ADCYAP1R1: variants seen among roughly 807,000 people sequenced by gnomAD.
ADCYAP1R1 encodes the protein pituitary adenylate cyclase-activating polypeptide type I receptor.
In ADCYAP1R1, 44 loss-of-function variants were observed where a neutral mutation model predicts 67.6. The observed-to-expected ratio is 0.65, with a 90% CI of 0.51 to 0.84. The LOEUF is 0.84. Among genes scored for constraint, ADCYAP1R1 ranks in the 40% least tolerant of loss-of-function variants. The pLI is 0.00. For synonymous variants in ADCYAP1R1, 222 were observed against 219.6 expected, an observed-to-expected ratio of 1.01 and a Z score of -0.10; for missense variants, 477 against 587.9, an observed-to-expected ratio of 0.81 and a Z score of 1.95.
At chr7:31,060,701 T>TGA (rs757068891) in intron 1 of ADCYAP1R1, among the ~76,000 whole-genome samples, 2 of 151,794 alleles carry the variant, frequency 1.3e-5, no homozygotes, top group South Asian at 2.1e-4. Context: ...TTTGTGTGTG[T>TGA]GAGAGAGAGA....
chr7:31,099,922 C>G (rs1230143517), intron 13 of ADCYAP1R1, among the ~76,000 whole-genome samples: 1 of 152,194 alleles, frequency 6.6e-6, no homozygotes, highest in Non-Finnish European at 1.5e-5. Context: ...GCGTGTGCAG[C>G]CATGCACACT....
intron 1 of ADCYAP1R1, among the ~76,000 whole-genome samples, chr7:31,054,516 G>A (rs748187401): frequency 2.0e-5 from 3 of 152,200 alleles, no homozygotes; most frequent in Non-Finnish European, 2.9e-5. Flanking sequence ...CCCTCAATTT[G>A]TGTCGAATAA....
Position 31,052,591 on chromosome 7 carries a change from C to G in ADCYAP1R1, c.-159C>G, listed in dbSNP as rs1267088049. 6.7e-6 allele frequency: 1 copy of G among 150,070 alleles called. No individual in the cohort carries two copies. Among genetic ancestry groups the G allele is most frequent in the Non-Finnish European group, 1.5e-5 (1 of 67,310 alleles). 9.3% of individuals were successfully genotyped at this position (150,070 alleles called of 1,614,324 possible). The stretch of plus-strand genomic sequence containing the variant: ...GCTCCTCGGCGCACACGCTCCCCAT[C>G]CCCGCGCCGCGCGGGCCGCGGACTT... On this transcript the variant is annotated 5_prime_UTR_variant, in exon 1 of 16. In the 5' UTR this introduces an upstream ATG that the reference lacks. Coordinates refer to ENST00000304166, the MANE Select transcript of ADCYAP1R1 (RefSeq NM_001118.5).
At chr7:31,095,907 G>C (rs1489922212) in intron 13 of ADCYAP1R1, among the ~76,000 whole-genome samples, 1 of 152,184 alleles carries the variant, frequency 6.6e-6, no homozygotes, top group African/African-American at 2.4e-5. Context: ...GATGCTCCTG[G>C]TAGGATGAGT....
chr7:31,084,826 T>C lies in ADCYAP1R1; in HGVS notation c.528T>C (p.Cys176=). The change falls in exon 8 of 16, where the codon TGT becomes TGC. Residue 176 remains cysteine (C), a synonymous_variant. Coordinates refer to ENST00000304166, the MANE Select transcript of ADCYAP1R1 (RefSeq NM_001118.5). ...TCACCACTGCCATGGTCATCCTTTG[T>C]CGCTTCCGGTGAGACCCTCAGCAAC... is the stretch of plus-strand genomic sequence containing the variant. The part of the protein sequence containing the change: ...VTLTTAMVIL[C]RFRKLHCTRN... 1 of 1,614,128 alleles carries C rather than the reference T, an allele frequency of 6.2e-7. No homozygotes were observed. Among genetic ancestry groups the C allele is most frequent in the South Asian group, 1.1e-5 (1 of 91,084 alleles).
chr7:31,087,412 G>A (rs1226603978), intron 11 of ADCYAP1R1, among the ~76,000 whole-genome samples: 2 of 152,238 alleles, frequency 1.3e-5, no homozygotes, highest in Admixed American at 1.3e-4. Flanking sequence ...TAGGTGAGCA[G>A]AGGGAAAGAT....
In ADCYAP1R1 at chr7:31,092,627, T is replaced by G. The variant is rs753516558; in HGVS notation, c.955-17T>G. ...CCAGAATCATGTCCATCTGCTTTTT[T>G]TTTTTTTGCTCCTTAGGTTAACTTT... On this transcript the variant is annotated splice_polypyrimidine_tract_variant and intron_variant, in intron 12 of 15. Coordinates refer to ENST00000304166, the MANE Select transcript of ADCYAP1R1 (RefSeq NM_001118.5). The G allele has an allele frequency of 6.2e-7, 1 of 1,600,194 alleles. No individual in the cohort carries two copies. The highest frequency in any genetic ancestry group is 8.5e-7 in the Non-Finnish European group (1 of 1,175,002).
chr7:31,087,683 T>C lies in ADCYAP1R1; in HGVS notation c.941T>C (p.Val314Ala), dbSNP rs1795807904. The C allele has an allele frequency of 6.2e-7, 1 of 1,613,810 alleles. No homozygotes were observed. The highest frequency in any genetic ancestry group is 8.5e-7 in the Non-Finnish European group (1 of 1,179,848). ...ALWWVIKGPVVGSIMVNFVLF... is the reference protein window; with the variant it reads ...ALWWVIKGPVAGSIMVNFVLF... ...TGGTGGGTGATCAAAGGCCCTGTGGTTGGCTCTATCATGGTGAGTGTCCTT... is the reference window on the plus strand; with the variant it reads ...TGGTGGGTGATCAAAGGCCCTGTGGCTGGCTCTATCATGGTGAGTGTCCTT... The change falls in exon 12 of 16, where the codon GTT becomes GCT. Residue 314 changes from valine to alanine, a missense_variant. By Grantham distance (64) the Val-to-Ala change is moderately conservative (BLOSUM62 0). Transcript: ENST00000304166.
chr7:31,090,802 CT>C (rs1378377644), intron 12 of ADCYAP1R1, among the ~76,000 whole-genome samples: 1 of 152,190 alleles, frequency 6.6e-6, no homozygotes, highest in East Asian at 1.9e-4. Flanking sequence ...GCCACATTTT[CT>C]TTATCCAATC....
chr7:31,090,569 C>T (rs1394434093), intron 12 of ADCYAP1R1, among the ~76,000 whole-genome samples: 3 of 152,158 alleles, frequency 2.0e-5, no homozygotes, highest in Admixed American at 1.3e-4. Flanking sequence ...TTGCCCCGAT[C>T]CTCCCACCCT....
intron 1 of ADCYAP1R1, 66 bp from the exon 2 acceptor site, chr7:31,063,128 G>T: frequency 1.1e-6 from 1 of 923,158 alleles, no homozygotes; most frequent in South Asian, 1.5e-5. Flanking sequence ...AATAAGGAAG[G>T]GAGGTGGTCT....
In ADCYAP1R1 at chr7:31,081,747, T is replaced by C. The variant is rs1288101084; in HGVS notation, c.321T>C (p.Asp107=). 5 of 1,596,620 alleles carry C rather than the reference T, an allele frequency of 3.1e-6. No individual in the cohort carries two copies. The African/African-American group carries it at 5.4e-5, about 17-fold the overall frequency. Residue 107 remains aspartate, a synonymous_variant, in exon 6 of 16, where the codon GAT becomes GAC. Coordinates refer to ENST00000304166, the MANE Select transcript of ADCYAP1R1 (RefSeq NM_001118.5). ...ATTTTGGTGACAGTAACTCCTTAGA[T>C]CTCTCAGGTAAGGGGTTAGGCTGGG... The part of the protein sequence containing the change: ...ESDFGDSNSL[D]LSDMGVVSRN...
chr7:31,053,730 C>T (rs1282891052), intron 1 of ADCYAP1R1, among the ~76,000 whole-genome samples: 1 of 152,212 alleles, frequency 6.6e-6, no homozygotes, highest in Admixed American at 6.5e-5. Flanking sequence ...CCCGCAAAGC[C>T]CCCCTGGCCC....
rs77950382 is a variant in ADCYAP1R1 at position 31,093,938 on chromosome 7, C to T, written c.1046+1203C>T. Among the ~76,000 whole-genome samples the T allele has an allele frequency of 6.2e-3, 939 of 152,116 alleles. 8 individuals are homozygous for T. Among genetic ancestry groups the T allele is most frequent in the African/African-American group, 0.022 (895 of 41,516 alleles). On this transcript the variant is annotated intron_variant, in intron 13 of 15. Coordinates refer to ENST00000304166, the MANE Select transcript of ADCYAP1R1 (RefSeq NM_001118.5). ...CTGCTCGGAGACCAAATCCTAGATC[C>T]TTCCCTAAGGCTCCCTGAGGCTTCC...
intron 12 of ADCYAP1R1, among the ~76,000 whole-genome samples, chr7:31,091,661 G>A (rs1165347192): frequency 1.3e-5 from 2 of 152,094 alleles, no homozygotes; most frequent in Admixed American, 6.5e-5. Flanking sequence ...ATCATTTACT[G>A]AATAGGGAGT....
chr7:31,088,838 G>A (rs1270747096), intron 12 of ADCYAP1R1, among the ~76,000 whole-genome samples: 4 of 152,178 alleles, frequency 2.6e-5, no homozygotes, highest in South Asian at 4.2e-4. Context: ...TTCCTTGCAC[G>A]TTTACTGTTT....
chr7:31,091,545 G>A (rs1795961507), intron 12 of ADCYAP1R1, among the ~76,000 whole-genome samples: 1 of 152,128 alleles, frequency 6.6e-6, no homozygotes, highest in African/African-American at 2.4e-5. Flanking sequence ...TATAGTTTGA[G>A]GTCTTATCTT....
chr7:31,100,310 GC>G, intron 13 of ADCYAP1R1: 2 of 985,176 alleles, frequency 2.0e-6, no homozygotes, highest in African/African-American at 3.4e-5. Context: ...GCCAGCCTCT[GC>G]CTCCCAGCCC....
chr7:31,058,383 A>G (rs1303647404), intron 1 of ADCYAP1R1, among the ~76,000 whole-genome samples: 1 of 152,166 alleles, frequency 6.6e-6, no homozygotes, highest in Non-Finnish European at 1.5e-5. Context: ...AGAGGAGGAC[A>G]TGGCTGCTGT....
Sources: gnomAD v4.1 joint callset for allele counts (sites outside exome capture counted in the v4.1 genomes callset) on GRCh38, gnomAD v4.1.1 for gene constraint, MANE v1.5 for transcripts, NCBI Gene and HGNC (gene_info 2026-07-23, HGNC 2026-07-21) for gene names.